SLC6A3: variants seen among roughly 807,000 people sequenced by gnomAD.
SLC6A3 encodes sodium-dependent dopamine transporter.
SLC6A3 carries 19 observed loss-of-function variants against 70.4 expected under a neutral mutation model. That is an observed-to-expected ratio of 0.27 (90% CI 0.19 to 0.40). The LOEUF (loss-of-function observed/expected upper bound fraction) is 0.40. Ranked by LOEUF, SLC6A3 falls within the 10% of genes least tolerant of loss-of-function variation. The probability of loss-of-function intolerance (pLI) is 1.00; values close to 1 mark genes in which losing one functional copy is unlikely to be tolerated. For missense variants in SLC6A3, 613 were observed against 838.5 expected (o/e 0.73, Z 3.32); for synonymous variants, 368 against 356.6 (o/e 1.03, Z -0.36).
rs898430541 is a variant in SLC6A3 at position 1,394,518 on chromosome 5, C to G, written c.*217G>C. ...TGGACCTCGCTGCACAGATCTACGT[C>G]GTTATTACAGCAACACAAGACACGG... On this transcript the variant is annotated 3_prime_UTR_variant, in exon 15 of 15. Transcript: ENST00000270349. This position sits in a 1 kb window ranked among gnomAD's most constrained non-coding sequence, Gnocchi z 4.7. 6.1e-6 allele frequency: 4 copies of G among 660,414 alleles called. No individual in the cohort carries two copies. Among genetic ancestry groups the G allele is most frequent in the Non-Finnish European group, 5.5e-6 (2 of 363,110 alleles). 40.9% of individuals were successfully genotyped at this position (660,414 alleles called of 1,614,324 possible).
intron 8 of SLC6A3, among the ~76,000 whole-genome samples, chr5:1,414,369 G>C (rs567801517): frequency 3.6e-5 from 3 of 83,938 alleles, no homozygotes; most frequent in African/African-American, 8.0e-5. Context: ...TGGAGGCCCC[G>C]AGAGGCACAA....
At position 1,406,401 on chromosome 5, in the gene SLC6A3, T is replaced by C; in HGVS notation, c.1499-113A>G. On this transcript the variant is annotated intron_variant, in intron 11 of 14. Coordinates refer to ENST00000270349, the MANE Select transcript of SLC6A3 (RefSeq NM_001044.5). This position sits in a 1 kb window ranked among gnomAD's most constrained non-coding sequence, Gnocchi z 8.8. ...AGGGCCCCACCTACCGGCCCCAGGC[T>C]TCGGCTGCACCCAGCCTCCTGCAGA... 1 of 919,254 alleles carries C rather than the reference T, an allele frequency of 1.1e-6. No individual in the cohort carries two copies. The highest frequency in any genetic ancestry group is 1.8e-6 in the Non-Finnish European group (1 of 560,232). The allele number at this position is 919,254 out of a possible 1,614,324, so 56.9% of individuals were successfully genotyped here.
chr5:1,416,121 G>A lies in SLC6A3; in HGVS notation c.1008C>T (p.Asn336=), dbSNP rs1343956648. 6.2e-7 allele frequency: 1 copy of A among 1,613,978 alleles called. No homozygotes were observed. The highest frequency in any genetic ancestry group is 8.5e-7 in the Non-Finnish European group (1 of 1,179,906). ...FGVLIAFSSY[N]KFTNNCYRDA... ...ACCTGTAGCAGTTGTTGGTGAACTT[G>A]TTGTAGCTGGAGAAGGCGATCAGCA... Residue 336 remains asparagine (N), a synonymous_variant, in exon 7 of 15, where the codon AAC becomes AAT. Transcript: ENST00000270349.
chr5:1,400,616 C>T (rs932890143), intron 14 of SLC6A3, among the ~76,000 whole-genome samples: 3 of 152,166 alleles, frequency 2.0e-5, no homozygotes, highest in Admixed American at 6.5e-5. Flanking sequence ...CTCAGCTGGC[C>T]CCACAGGGCA....
At position 1,411,323 on chromosome 5, in the gene SLC6A3, C is replaced by G; in HGVS notation, c.1189G>C (p.Ala397Pro). 1.3e-6 allele frequency: 2 copies of G among 1,552,868 alleles called. No individual in the cohort carries two copies. The highest frequency in any genetic ancestry group is 1.7e-6 in the Non-Finnish European group (2 of 1,148,020). Residue 397 changes from alanine to proline, a missense_variant, in exon 9 of 15, where the codon GCC (alanine) becomes CCC (proline). Coordinates refer to ENST00000270349, the MANE Select transcript of SLC6A3 (RefSeq NM_001044.5). This position sits in a 1 kb window ranked among gnomAD's most constrained non-coding sequence, Gnocchi z 6.5. ...GAGGACAGAGGGAGCGTGGCGATGG[C>G]TTCCGGGTAGATGATGAAGATCAGC... is the stretch of plus-strand genomic sequence containing the variant. ...PGLIFIIYPE[A>P]IATLPLSSAW... is the part of the protein sequence containing the mutation.
At position 1,421,445 on chromosome 5, in the gene SLC6A3, T is replaced by A. The variant is rs914597532; in HGVS notation, c.792+431A>T. ...GCCCGTCTCAGCCTCCCAAAGTATT[T>A]TTATCAACAAAAAAATCATCTTGTG... On this transcript the variant is annotated intron_variant, in intron 5 of 14. Transcript: ENST00000270349. The surrounding 1 kb of genome is among the most constrained non-coding windows in gnomAD (Gnocchi z 7.2). Among the ~76,000 whole-genome samples the A allele has an allele frequency of 6.6e-6, 1 of 152,040 alleles. No homozygotes were observed. The highest frequency in any genetic ancestry group is 2.4e-5 in the African/African-American group (1 of 41,404).
rs750470875 is a variant in SLC6A3 at position 1,394,754 on chromosome 5, C to T, written c.1844G>A (p.Arg615His). Reference sequence around the variant, plus strand: ...CTCCCTCTACACCTTGAGCCAGTGGCGGAGCTGGAAAGAAAACAGGTTTAG... The same window carrying T: ...CTCCCTCTACACCTTGAGCCAGTGGTGGAGCTGGAAAGAAAACAGGTTTAG... ...DRGEVRQFTL[R>H]HWLKV The change falls in exon 15 of 15, where the codon CGC (arginine) becomes CAC (histidine). Residue 615 changes from arginine (R) to histidine (H), a missense_variant. Around this residue, in one of 4 missense-constraint regions of SLC6A3, gnomAD observed 348 missense variants for 481.2 expected, o/e 0.72. Coordinates refer to ENST00000270349, the MANE Select transcript of SLC6A3 (RefSeq NM_001044.5). The surrounding 1 kb of genome is among the most constrained non-coding windows in gnomAD (Gnocchi z 4.7). The T allele has an allele frequency of 7.5e-5, 121 of 1,614,120 alleles. 1 individual carries two copies. In the South Asian group the frequency reaches 9.1e-4, roughly 12 times the overall value.
chr5:1,397,695 C>T lies in SLC6A3; in HGVS notation c.1840-2937G>A, dbSNP rs565208006. Among the ~76,000 whole-genome samples, 8 of 152,252 alleles carry T rather than the reference C, an allele frequency of 5.3e-5. No homozygotes were observed. Among genetic ancestry groups the T allele is most frequent in the African/African-American group, 1.9e-4 (8 of 41,544 alleles). ...TGAATGAGAGCAGCATAAAGATGTT[C>T]CCACACACCAATAGTGAGGGAGGTT... is the stretch of plus-strand genomic sequence containing the variant. On this transcript the variant is annotated intron_variant, in intron 14 of 14. Coordinates refer to ENST00000270349, the MANE Select transcript of SLC6A3 (RefSeq NM_001044.5). This position sits in a 1 kb window ranked among gnomAD's most constrained non-coding sequence, Gnocchi z 4.7.
At chr5:1,425,017 G>A (rs115568492) in intron 4 of SLC6A3, among the ~76,000 whole-genome samples, 2,640 of 152,346 alleles carry the variant, frequency 0.017, 82 homozygotes, top group African/African-American at 0.059. Flanking sequence ...ATCCGGGAAG[G>A]GGCATAAGTG....
At position 1,401,200 on chromosome 5, in the gene SLC6A3, G is replaced by A. The variant is rs778282168; in HGVS notation, c.1768-214C>T. The A allele has an allele frequency of 3.6e-5, 25 of 698,882 alleles. No individual in the cohort carries two copies. Among genetic ancestry groups the A allele is most frequent in the African/African-American group, 3.5e-4 (20 of 57,196 alleles). The allele number at this position is 698,882 out of a possible 1,614,324, so 43.3% of individuals were successfully genotyped here. On this transcript the variant is annotated intron_variant, in intron 13 of 14. Coordinates refer to ENST00000270349, the MANE Select transcript of SLC6A3 (RefSeq NM_001044.5). The surrounding 1 kb of genome is among the most constrained non-coding windows in gnomAD (Gnocchi z 6.1). ...GCCGACCAGACAGCCAGTCAGGCCC[G>A]AAGCCAACATCCTGACGGTCCCCTT...
Position 1,393,160 on chromosome 5 carries a change from C to T in SLC6A3, c.*1575G>A, listed in dbSNP as rs920709409. ...CCCACCGAGCATTACACTCCAGTCC[C>T]TGGAGCCCACGTCCACTTGCAGGGG... On this transcript the variant is annotated 3_prime_UTR_variant, in exon 15 of 15. Transcript: ENST00000270349. The T allele has an allele frequency of 6.6e-6, 1 of 152,242 alleles. No homozygotes were observed. Among genetic ancestry groups the T allele is most frequent in the Non-Finnish European group, 1.5e-5 (1 of 68,050 alleles). The allele number at this position is 152,242 out of a possible 1,614,324, so 9.4% of individuals were successfully genotyped here. A position where few individuals can be genotyped will look rare whatever the true frequency, so the allele number is the denominator to read the frequency against.
intron 3 of SLC6A3, among the ~76,000 whole-genome samples, chr5:1,433,885 A>G (rs1286932361): frequency 1.3e-5 from 2 of 150,150 alleles, no homozygotes; most frequent in African/African-American, 2.5e-5. Context: ...AACCTCCCAC[A>G]TCCACCCGGC....
rs1357512481 is a variant in SLC6A3 at position 1,442,086 on chromosome 5, C to T, written c.287-596G>A. The stretch of plus-strand genomic sequence containing the variant: ...GCCCAGGGAACCCTGGTCTCAACCT[C>T]CTAAATTCCCTCTGCTCCCCTGGTC... On this transcript the variant is annotated intron_variant, in intron 2 of 14. Coordinates refer to ENST00000270349, the MANE Select transcript of SLC6A3 (RefSeq NM_001044.5). The surrounding 1 kb of genome is among the most constrained non-coding windows in gnomAD (Gnocchi z 5.0). Among the ~76,000 whole-genome samples the T allele has an allele frequency of 3.9e-5, 6 of 152,124 alleles. No homozygotes were observed. The highest frequency in any genetic ancestry group is 8.8e-5 in the Non-Finnish European group (6 of 68,010).
rs891308309 is a variant in SLC6A3 at position 1,421,297 on chromosome 5, C to T, written c.792+579G>A. 3.9e-5 allele frequency among the ~76,000 whole-genome samples: 6 copies of T among 152,032 alleles called. No individual in the cohort carries two copies. The highest frequency in any genetic ancestry group is 1.4e-4 in the African/African-American group (6 of 41,386). On this transcript the variant is annotated intron_variant, in intron 5 of 14. Coordinates refer to ENST00000270349, the MANE Select transcript of SLC6A3 (RefSeq NM_001044.5). This position sits in a 1 kb window ranked among gnomAD's most constrained non-coding sequence, Gnocchi z 7.2. ...GGTTCAAGCAATTCTCCTGCCTCAG[C>T]CTCCCACGTAGCTGGGATTATAGGC...
intron 9 of SLC6A3, among the ~76,000 whole-genome samples, chr5:1,410,880 ATG>A (rs983234152): frequency 2.2e-4 from 33 of 149,556 alleles, no homozygotes; most frequent in Non-Finnish European, 7.4e-5. Flanking sequence ...GCATGTGTGT[ATG>A]TGTGTGCATG....
At position 1,411,971 on chromosome 5, in the gene SLC6A3, C is replaced by A. The variant is rs1756139640; in HGVS notation, c.1157-616G>T. On this transcript the variant is annotated intron_variant, in intron 8 of 14. Coordinates refer to ENST00000270349, the MANE Select transcript of SLC6A3 (RefSeq NM_001044.5). This position sits in a 1 kb window ranked among gnomAD's most constrained non-coding sequence, Gnocchi z 6.5. ...ATTTGTGCATTCAAACTCATACATG[C>A]AAGAACACATCCACATGCACGCACA... Among the ~76,000 whole-genome samples, 1 of 152,120 alleles carries A rather than the reference C, an allele frequency of 6.6e-6. No individual in the cohort carries two copies. Among genetic ancestry groups the A allele is most frequent in the African/African-American group, 2.4e-5 (1 of 41,394 alleles).
rs190867965 is a variant in SLC6A3, at chr5:1,437,083, C to T, written c.418+4276G>A. On this transcript the variant is annotated intron_variant, in intron 3 of 14. Transcript: ENST00000270349. This position sits in a 1 kb window ranked among gnomAD's most constrained non-coding sequence, Gnocchi z 4.8. ...TGGCTAACACGATGAAACCCCGTCT[C>T]TACTAAAAATACAAAAAATTAGCGG... 4.7e-3 allele frequency among the ~76,000 whole-genome samples: 718 copies of T among 152,142 alleles called. 2 individuals are homozygous for T. The highest frequency in any genetic ancestry group is 0.017 in the African/African-American group (692 of 41,504).
Position 1,400,933 on chromosome 5 carries a change from C to A in SLC6A3, c.1821G>T (p.Gly607=), listed in dbSNP as rs1405688584. 1 of 1,592,242 alleles carries A rather than the reference C, an allele frequency of 6.3e-7. No homozygotes were observed. Among genetic ancestry groups the A allele is most frequent in the Non-Finnish European group, 8.6e-7 (1 of 1,167,158 alleles). ...PEKDRELVDR[G]EVRQFTLRHW... ...ACCTCACCGTGAACTGGCGCACCTC[C>A]CCTCTGTCCACCAGCTCACGGTCCT... Residue 607 remains glycine (G), a synonymous_variant, in exon 14 of 15, where the codon GGG becomes GGT. Coordinates refer to ENST00000270349, the MANE Select transcript of SLC6A3 (RefSeq NM_001044.5).
chr5:1,408,999 G>A lies in SLC6A3; in HGVS notation c.1498+27C>T, dbSNP rs8179033. On this transcript the variant is annotated intron_variant, in intron 11 of 14. Coordinates refer to ENST00000270349, the MANE Select transcript of SLC6A3 (RefSeq NM_001044.5). This position sits in a 1 kb window ranked among gnomAD's most constrained non-coding sequence, Gnocchi z 6.4. ...CACAGCCACCAAACAAGAGGGTGCC[G>A]GCTTGGCTGCCTTCCCCCGGACTCA... The A allele has an allele frequency of 3.9e-4, 602 of 1,527,688 alleles. 3 individuals are homozygous for A. In the African/African-American group the frequency reaches 7.2e-3, roughly 18 times the overall value. 94.6% of individuals were successfully genotyped at this position (1,527,688 alleles called of 1,614,324 possible). A position where few individuals can be genotyped will look rare whatever the true frequency, so the allele number is the denominator to read the frequency against.
Sources: gnomAD v4.1 joint callset for allele counts (sites outside exome capture counted in the v4.1 genomes callset) on GRCh38, gnomAD v4.1.1 for gene constraint, gnomAD v4.1.1 regional missense constraint, Gnocchi (gnomAD v3.1) non-coding constraint, MANE v1.5 for transcripts, NCBI Gene and HGNC (gene_info 2026-07-23, HGNC 2026-07-21) for gene names.